Variants in STAG1 observed in about 807,000 individuals in gnomAD.
The protein encoded by STAG1 is STAG1 cohesin complex component, also known as cohesin subunit SA-1.
In STAG1, 26 loss-of-function variants were observed where a neutral mutation model predicts 170.9. The ratio of observed to expected loss-of-function variants is 0.15; its 90% CI spans 0.11 to 0.21. STAG1 has a LOEUF of 0.21. Ranked by LOEUF, STAG1 falls within the 10% of genes least tolerant of loss-of-function variation. The pLI is 1.00. For synonymous variants in STAG1, 514 were observed against 497.7 expected (o/e 1.03, Z -0.44); for missense variants, 964 against 1,509.5 (o/e 0.64, Z 5.99).
intron 1 of STAG1, among the ~76,000 whole-genome samples, chr3:136,702,075 A>G (rs957113453): frequency 1.3e-4 from 12 of 92,164 alleles, no homozygotes; most frequent in South Asian, 4.5e-4. Context: ...ACCATGCCGA[A>G]AGAGAGAGAG....
chr3:136,399,341 C>T, intron 21 of STAG1, among the ~76,000 whole-genome samples: 1 of 152,152 alleles, frequency 6.6e-6, no homozygotes. Flanking sequence ...ACATTGCCAG[C>T]ACCTCCTCCC....
intron 4 of STAG1, among the ~76,000 whole-genome samples, chr3:136,596,679 T>C (rs907610741): frequency 2.6e-5 from 4 of 152,252 alleles, no homozygotes; most frequent in African/African-American, 9.6e-5. Flanking sequence ...GCATCATGTG[T>C]TATGCATCAT....
chr3:136,389,443 C>A (rs2086951788), intron 22 of STAG1, among the ~76,000 whole-genome samples: 1 of 152,092 alleles, frequency 6.6e-6, no homozygotes, highest in Admixed American at 6.6e-5. Flanking sequence ...CAGGCGCACA[C>A]CACCACACTT....
intron 12 of STAG1, among the ~76,000 whole-genome samples, chr3:136,470,942 T>C (rs2089610350): frequency 7.3e-6 from 1 of 137,812 alleles, no homozygotes; most frequent in Admixed American, 7.8e-5. Context: ...ATGAGAACAC[T>C]TGGACGCAGG....
chr3:136,338,188 T>C lies in STAG1; in HGVS notation c.*66A>G. ...CAAAAGTGTTTTTCCCCATACAAGC[T>C]ATCACAGTATATAGGCCTCTAGCTC... On this transcript the variant is annotated 3_prime_UTR_variant, in exon 34 of 34. Transcript: ENST00000383202. 9.3e-7 allele frequency: 1 copy of C among 1,072,096 alleles called. No individual in the cohort carries two copies. The highest frequency in any genetic ancestry group is 1.4e-6 in the Non-Finnish European group (1 of 705,420). 66.4% of individuals were successfully genotyped at this position (1,072,096 alleles called of 1,614,324 possible).
chr3:136,510,670 G>A (rs1209462451), intron 7 of STAG1, among the ~76,000 whole-genome samples: 1 of 150,744 alleles, frequency 6.6e-6, no homozygotes, highest in Non-Finnish European at 1.5e-5. Flanking sequence ...TGAATGCAGT[G>A]GTGCGATCTC....
intron 6 of STAG1, among the ~76,000 whole-genome samples, chr3:136,540,902 C>T (rs1375104143): frequency 2.1e-5 from 3 of 144,606 alleles, no homozygotes; most frequent in East Asian, 4.1e-4. Flanking sequence ...ATTTAATAAT[C>T]CTAAAACAAA....
At chr3:136,446,751 C>T (rs1228885526) in intron 14 of STAG1, among the ~76,000 whole-genome samples, 2 of 150,352 alleles carry the variant, frequency 1.3e-5, no homozygotes, top group Non-Finnish European at 3.0e-5. Flanking sequence ...CTACACAGCT[C>T]CTACTACACA....
chr3:136,707,568 TGAAAA>T (rs1461974130), intron 1 of STAG1, among the ~76,000 whole-genome samples: 3 of 35,330 alleles, frequency 8.5e-5, no homozygotes, highest in African/African-American at 3.7e-4. Context: ...TAATTTATAA[TGAAAA>T]GAAGTTTCAT....
chr3:136,341,977 A>C (rs1576371205), intron 30 of STAG1, among the ~76,000 whole-genome samples: 1 of 152,166 alleles, frequency 6.6e-6, no homozygotes, highest in Non-Finnish European at 1.5e-5. Context: ...CTTGTACTCT[A>C]AACTTATTGG....
chr3:136,712,572 T>A (rs994778672), intron 1 of STAG1, among the ~76,000 whole-genome samples: 1 of 152,156 alleles, frequency 6.6e-6, no homozygotes, highest in African/African-American at 2.4e-5. Context: ...CCAGAGATAG[T>A]GCAAATTAAA....
chr3:136,663,215 T>TATG (rs954399785), intron 1 of STAG1, among the ~76,000 whole-genome samples: 4 of 152,160 alleles, frequency 2.6e-5, no homozygotes, highest in African/African-American at 9.7e-5. Flanking sequence ...TGAGTATAGT[T>TATG]ATGATGATGA....
chr3:136,737,208 G>A (rs1451663190), intron 1 of STAG1: 24 of 679,876 alleles, frequency 3.5e-5, no homozygotes, highest in Middle Eastern at 2.5e-4. Flanking sequence ...ACGAAGTCCC[G>A]CTCTCTCCTG....
intron 1 of STAG1, among the ~76,000 whole-genome samples, chr3:136,705,231 C>A (rs1335640786): frequency 6.6e-6 from 1 of 152,078 alleles, no homozygotes; most frequent in East Asian, 1.9e-4. Context: ...AAAAAATTAG[C>A]CACACGTGGT....
At chr3:136,416,150 G>A (rs1018531518) in intron 21 of STAG1, among the ~76,000 whole-genome samples, 2 of 152,048 alleles carry the variant, frequency 1.3e-5, no homozygotes, top group African/African-American at 2.4e-5. Context: ...TGGGACTACA[G>A]GTGCCCGCCA....
intron 1 of STAG1, among the ~76,000 whole-genome samples, chr3:136,723,330 G>A (rs1249468790): frequency 6.7e-6 from 1 of 149,708 alleles, no homozygotes; most frequent in African/African-American, 2.5e-5. Flanking sequence ...TGTGGGGAGC[G>A]CCTCTGCCCC....
chr3:136,411,880 G>A (rs560429859), intron 21 of STAG1, among the ~76,000 whole-genome samples: 1 of 152,080 alleles, frequency 6.6e-6, no homozygotes, highest in African/African-American at 2.4e-5. Context: ...GGGAGGCGGA[G>A]GTTGCAGTGA....
At chr3:136,374,654 A>G (rs2108302737) in intron 23 of STAG1, among the ~76,000 whole-genome samples, 1 of 152,188 alleles carries the variant, frequency 6.6e-6, no homozygotes, top group Non-Finnish European at 1.5e-5. Flanking sequence ...CAGCTGTTTA[A>G]TGTGTTTGTG....
intron 12 of STAG1, among the ~76,000 whole-genome samples, chr3:136,466,777 G>A (rs1279516022): frequency 6.6e-6 from 1 of 152,188 alleles, no homozygotes; most frequent in Non-Finnish European, 1.5e-5. Context: ...CCCACAAAGG[G>A]AAGCCCATCA....
Sources: gnomAD v4.1 joint callset for allele counts (sites outside exome capture counted in the v4.1 genomes callset) on GRCh38, gnomAD v4.1.1 for gene constraint, MANE v1.5 for transcripts, NCBI Gene and HGNC (gene_info 2026-07-23, HGNC 2026-07-21) for gene names.